GRIN2A: variants seen among roughly 807,000 people sequenced by gnomAD.
The protein encoded by GRIN2A is glutamate ionotropic receptor NMDA type subunit 2A.
GRIN2A carries 22 observed loss-of-function variants against 113.4 expected under a neutral mutation model. The observed-to-expected ratio is 0.19, with a 90% CI of 0.14 to 0.28. The LOEUF (loss-of-function observed/expected upper bound fraction) is 0.28, where lower values mean the gene tolerates loss of function less well. GRIN2A is among the 10% of genes least tolerant of loss of function. The pLI, the probability that GRIN2A is intolerant of heterozygous loss-of-function variation, is 1.00. For missense variants in GRIN2A, 1,502 were observed against 1,887.0 expected (o/e 0.80, Z 3.78); for synonymous variants, 827 against 738.4 (o/e 1.12, Z -1.94).
intron 3 of GRIN2A, among the ~76,000 whole-genome samples, chr16:9,921,971 G>A (rs950119729): frequency 2.0e-5 from 3 of 152,058 alleles, no homozygotes; most frequent in South Asian, 2.1e-4. Context: ...TTGAAAATAC[G>A]TTGTTACAAC....
chr16:9,859,626 AC>A (rs2043028773), intron 4 of GRIN2A, among the ~76,000 whole-genome samples: 1 of 151,470 alleles, frequency 6.6e-6, no homozygotes, highest in African/African-American at 2.4e-5. Context: ...ACACACACAC[AC>A]ACACACACAC....
At chr16:9,912,877 TG>T (rs2044174080) in intron 3 of GRIN2A, among the ~76,000 whole-genome samples, 1 of 152,214 alleles carries the variant, frequency 6.6e-6, no homozygotes, top group Admixed American at 6.5e-5. Flanking sequence ...TCAGCAAAAG[TG>T]GATGGGAGGA....
At chr16:10,110,426 A>AACTGTTTGT (rs1232509822) in intron 2 of GRIN2A, among the ~76,000 whole-genome samples, 1 of 152,232 alleles carries the variant, frequency 6.6e-6, no homozygotes, top group African/African-American at 2.4e-5. Context: ...AATGTCGTGG[A>AACTGTTTGT]ACTGTTTGTT....
At chr16:10,073,874 C>T (rs1324389300) in intron 2 of GRIN2A, among the ~76,000 whole-genome samples, 3 of 146,470 alleles carry the variant, frequency 2.0e-5, no homozygotes, top group Admixed American at 6.9e-5. Context: ...GAGCTGAGAT[C>T]GTGCCACTGC....
At chr16:10,078,666 A>G (rs932218450) in intron 2 of GRIN2A, among the ~76,000 whole-genome samples, 1 of 152,024 alleles carries the variant, frequency 6.6e-6, no homozygotes, top group African/African-American at 2.4e-5. Flanking sequence ...CTGCGAGGCA[A>G]CCTCGAGGCT....
chr16:9,924,786 A>G (rs545290868), intron 3 of GRIN2A, among the ~76,000 whole-genome samples: 44 of 152,222 alleles, frequency 2.9e-4, no homozygotes, highest in Non-Finnish European at 4.9e-4. Context: ...TTCTTCTTCA[A>G]TGTCAAACCT....
intron 2 of GRIN2A, among the ~76,000 whole-genome samples, chr16:10,091,892 G>A (rs895724049): frequency 6.6e-6 from 1 of 152,174 alleles, no homozygotes; most frequent in Non-Finnish European, 1.5e-5. Flanking sequence ...ACAGGCCTGA[G>A]ATAATTTTTT....
intron 10 of GRIN2A, among the ~76,000 whole-genome samples, chr16:9,801,481 T>G (rs909480451): frequency 6.6e-6 from 1 of 152,198 alleles, no homozygotes; most frequent in Non-Finnish European, 1.5e-5. Context: ...AGGCTGGAAA[T>G]CTACACACGT....
chr16:10,095,250 A>G (rs1440455950), intron 2 of GRIN2A, among the ~76,000 whole-genome samples: 1 of 152,120 alleles, frequency 6.6e-6, no homozygotes, highest in Non-Finnish European at 1.5e-5. Flanking sequence ...AAAAAAATAA[A>G]TTTTTGTTGT....
At chr16:9,865,497 C>T (rs1021560420) in intron 4 of GRIN2A, among the ~76,000 whole-genome samples, 1 of 152,094 alleles carries the variant, frequency 6.6e-6, no homozygotes, top group African/African-American at 2.4e-5. Flanking sequence ...GTTGGAAGAC[C>T]CAAGTCCAAG....
At position 10,075,026 on chromosome 16, in the gene GRIN2A, T is replaced by C. The variant is rs548923837; in HGVS notation, c.414+104972A>G. ...TCCAATGAAGGAGTTTCCATTATTA[T>C]CAAAGGACAGCCCAGTGTAGGCATT... On this transcript the variant is annotated intron_variant, in intron 2 of 12. Transcript: ENST00000330684. Among the ~76,000 whole-genome samples the C allele has an allele frequency of 3.5e-4, 53 of 152,250 alleles. No individual in the cohort carries two copies. In the Middle Eastern group the frequency reaches 0.01, roughly 29 times the overall value.
In GRIN2A at chr16:9,908,231, G is replaced by C. The variant is rs148199917; in HGVS notation, c.1008-17131C>G. Among the ~76,000 whole-genome samples, 384 of 152,196 alleles carry C rather than the reference G, an allele frequency of 2.5e-3. 1 individual carries two copies. The highest frequency in any genetic ancestry group is 4.2e-3 in the Non-Finnish European group (284 of 68,012). ...TGTGTCCCCTAAAAGACTAAGCTCTGCAAGTCCCAGTCACTGCTCTGATAT... is the reference window on the plus strand; with the variant it reads ...TGTGTCCCCTAAAAGACTAAGCTCTCCAAGTCCCAGTCACTGCTCTGATAT... On this transcript the variant is annotated intron_variant, in intron 3 of 12. Coordinates refer to ENST00000330684, the MANE Select transcript of GRIN2A (RefSeq NM_001134407.3).
In GRIN2A at chr16:9,762,703, G is replaced by C. The variant is rs957428996; in HGVS notation, c.*446C>G. On this transcript the variant is annotated 3_prime_UTR_variant, in exon 13 of 13. Transcript: ENST00000330684. ...ATTCTTAACTGTTTTTATTTTGTCT[G>C]TGTCAGGTTTACATGCACACCATAT... 7 of 293,568 alleles carry C rather than the reference G, an allele frequency of 2.4e-5. No individual in the cohort carries two copies. Among genetic ancestry groups the C allele is most frequent in the Non-Finnish European group, 3.9e-5 (6 of 155,522 alleles). The allele number at this position is 293,568 out of a possible 1,614,324, so 18.2% of individuals were successfully genotyped here.
At chr16:10,042,145 C>T (rs921934371) in intron 2 of GRIN2A, among the ~76,000 whole-genome samples, 95 of 152,114 alleles carry the variant, frequency 6.2e-4, no homozygotes, top group African/African-American at 2.2e-3. Context: ...TTCTGTTGTA[C>T]CACACATAAG....
At chr16:9,870,092 GA>G (rs1391695189) in intron 4 of GRIN2A, among the ~76,000 whole-genome samples, 1 of 152,150 alleles carries the variant, frequency 6.6e-6, no homozygotes, top group Non-Finnish European at 1.5e-5. Context: ...ATTTTGGATA[GA>G]AAAAATATCA....
chr16:9,999,073 G>A (rs946454793), intron 2 of GRIN2A, among the ~76,000 whole-genome samples: 8 of 152,286 alleles, frequency 5.3e-5, no homozygotes, highest in African/African-American at 1.9e-4. Context: ...TTATACAAGT[G>A]TAGTATTTTC....
intron 10 of GRIN2A, among the ~76,000 whole-genome samples, chr16:9,813,621 A>G (rs2042131712): frequency 6.9e-6 from 1 of 144,878 alleles, no homozygotes; most frequent in South Asian, 2.2e-4. Context: ...AAAAGTTTTT[A>G]TAGGTGGCCT....
intron 2 of GRIN2A, among the ~76,000 whole-genome samples, chr16:10,032,788 GC>G (rs541649688): frequency 7.4e-4 from 112 of 152,208 alleles, no homozygotes; most frequent in Non-Finnish European, 1.4e-3. Context: ...GGCCCAGAGA[GC>G]TTTCATCATA....
chr16:9,949,306 T>C (rs1322205198), intron 2 of GRIN2A, among the ~76,000 whole-genome samples: 1 of 152,162 alleles, frequency 6.6e-6, no homozygotes, highest in East Asian at 1.9e-4. Context: ...GGTGAATGGA[T>C]GGACAGACGA....
Sources: gnomAD v4.1 joint callset for allele counts (sites outside exome capture counted in the v4.1 genomes callset) on GRCh38, gnomAD v4.1.1 for gene constraint, MANE v1.5 for transcripts, NCBI Gene and HGNC (gene_info 2026-07-23, HGNC 2026-07-21) for gene names.